Variants in CSMD1 observed in about 807,000 individuals in gnomAD.
The protein encoded by CSMD1 is CUB and Sushi multiple domains 1.
CSMD1 carries 213 observed loss-of-function variants against 417.5 expected under a neutral mutation model. The ratio of observed to expected loss-of-function variants is 0.51; its 90% CI spans 0.46 to 0.57. The LOEUF (loss-of-function observed/expected upper bound fraction) is 0.57, where lower values mean the gene tolerates loss of function less well. CSMD1 is among the 20% of genes least tolerant of loss of function. The pLI, the probability that CSMD1 is intolerant of heterozygous loss-of-function variation, is 0.00. For missense variants in CSMD1, 6,923 were observed against 4,529.7 expected, an observed-to-expected ratio of 1.53 and a Z score of -15.17; for synonymous variants, 2,862 against 1,736.8, an observed-to-expected ratio of 1.65 and a Z score of -16.11.
chr8:4,256,155 C>T (rs1031172761), intron 3 of CSMD1, among the ~76,000 whole-genome samples: 1 of 152,158 alleles, frequency 6.6e-6, no homozygotes, highest in Non-Finnish European at 1.5e-5. Context: ...ATGTAGCCTG[C>T]CAGAGCTTTT....
At chr8:4,237,170 C>G (rs1354294481) in intron 3 of CSMD1, among the ~76,000 whole-genome samples, 2 of 152,198 alleles carry the variant, frequency 1.3e-5, no homozygotes, top group Admixed American at 1.3e-4. Flanking sequence ...ACTCATCAAG[C>G]TCCCTTCGCC....
chr8:4,940,236 A>G (rs1585372123), intron 1 of CSMD1, among the ~76,000 whole-genome samples: 1 of 152,202 alleles, frequency 6.6e-6, no homozygotes, highest in African/African-American at 2.4e-5. Flanking sequence ...TTTGAGAAGG[A>G]CAAGAACAGA....
At chr8:4,245,345 G>T (rs186204774) in intron 3 of CSMD1, among the ~76,000 whole-genome samples, 1 of 152,284 alleles carries the variant, frequency 6.6e-6, no homozygotes, top group East Asian at 1.9e-4. Flanking sequence ...AGAGGGTTGG[G>T]GTGGGAGGAA....
chr8:4,792,919 G>A (rs1431524180), intron 1 of CSMD1, among the ~76,000 whole-genome samples: 6 of 151,796 alleles, frequency 4.0e-5, no homozygotes, highest in South Asian at 2.1e-4. Flanking sequence ...ATAGAGTTCA[G>A]TATGATTAAA....
chr8:4,108,366 G>A (rs929114670), intron 3 of CSMD1, among the ~76,000 whole-genome samples: 11 of 152,074 alleles, frequency 7.2e-5, no homozygotes, highest in Non-Finnish European at 1.6e-4. Flanking sequence ...ATCTCACCCC[G>A]GGTATCTGTA....
chr8:2,976,713 T>G (rs1168549836), intron 55 of CSMD1, among the ~76,000 whole-genome samples: 1 of 152,228 alleles, frequency 6.6e-6, no homozygotes, highest in Admixed American at 6.5e-5. Flanking sequence ...AAGGATTGCT[T>G]TGCTTCTGCC....
chr8:4,488,585 C>G (rs538679126), intron 2 of CSMD1, among the ~76,000 whole-genome samples: 26 of 152,240 alleles, frequency 1.7e-4, no homozygotes, highest in African/African-American at 5.8e-4. Flanking sequence ...TCCAGATTTG[C>G]TGCTTTCAAT....
rs1181914810 is a variant in CSMD1, at chr8:3,409,520, G to A, written c.1647C>T (p.Leu549=). 6.2e-7 allele frequency: 1 copy of A among 1,611,244 alleles called. No homozygotes were observed. The highest frequency in any genetic ancestry group is 2.2e-5 in the East Asian group (1 of 44,774). The change falls in exon 13 of 70, where the codon CTC becomes CTT. Residue 549 remains leucine, a synonymous_variant. Coordinates refer to ENST00000635120, the MANE Select transcript of CSMD1 (RefSeq NM_033225.6). ...TGSSFLHGDT[L]TFECPAAFEL... is the part of the protein sequence containing the mutation. ...CAAAGGCCGCCGGGCATTCAAAGGT[G>A]AGTGTATCTCCATGGAGGAAACTGC...
chr8:4,440,361 G>A (rs567242706), intron 2 of CSMD1, among the ~76,000 whole-genome samples: 2 of 152,230 alleles, frequency 1.3e-5, no homozygotes, highest in East Asian at 1.9e-4. Context: ...ACATATTTAT[G>A]CAATTATACA....
chr8:3,890,444 G>A (rs940893668), intron 5 of CSMD1, among the ~76,000 whole-genome samples: 1 of 151,818 alleles, frequency 6.6e-6, no homozygotes, highest in African/African-American at 2.4e-5. Flanking sequence ...GTGTCTTGGA[G>A]GAGACTGAGG....
At chr8:2,973,337 G>T in intron 56 of CSMD1, 38 bp from the exon 57 acceptor site, 1 of 1,590,100 alleles carries the variant, frequency 6.3e-7, no homozygotes, top group Non-Finnish European at 8.6e-7. Context: ...CCACAATTGT[G>T]TTAGACTTGT....
chr8:4,383,940 G>A (rs933705964), intron 3 of CSMD1, among the ~76,000 whole-genome samples: 13 of 152,114 alleles, frequency 8.5e-5, no homozygotes, highest in Non-Finnish European at 1.2e-4. Context: ...AGAAAAATGC[G>A]TTCTCTTTTA....
chr8:4,488,081 C>G (rs977750719), intron 2 of CSMD1, among the ~76,000 whole-genome samples: 1 of 152,162 alleles, frequency 6.6e-6, no homozygotes, highest in Non-Finnish European at 1.5e-5. Context: ...CATGTGAGGA[C>G]ACAGCTAGAA....
chr8:3,279,903 C>T (rs1456811055), intron 26 of CSMD1, among the ~76,000 whole-genome samples: 1 of 152,186 alleles, frequency 6.6e-6, no homozygotes, highest in East Asian at 1.9e-4. Flanking sequence ...CCACCCTTGA[C>T]ACATATGGAT....
At chr8:3,242,425 T>C (rs548680075) in intron 26 of CSMD1, among the ~76,000 whole-genome samples, 1 of 152,020 alleles carries the variant, frequency 6.6e-6, no homozygotes, top group South Asian at 2.1e-4. Context: ...GAACAGAGAC[T>C]AGGTAGGGAC....
At chr8:4,019,455 TTA>T (rs367721775) in intron 4 of CSMD1, among the ~76,000 whole-genome samples, 93,119 of 150,458 alleles carry the variant, frequency 0.62, 28,723 homozygotes, top group South Asian at 0.69. Context: ...CATTCCCTTA[TTA>T]GGGCCCTTAT....
intron 4 of CSMD1, among the ~76,000 whole-genome samples, chr8:4,005,146 G>A (rs1816008000): frequency 6.6e-6 from 1 of 152,096 alleles, no homozygotes; most frequent in Non-Finnish European, 1.5e-5. Context: ...GGGAAGAGTG[G>A]GAGTGGGGAA....
At chr8:4,723,287 G>T (rs796668759) in intron 1 of CSMD1, among the ~76,000 whole-genome samples, 8 of 152,180 alleles carry the variant, frequency 5.3e-5, no homozygotes, top group African/African-American at 1.7e-4. Context: ...TGGCTAACTG[G>T]GAATCATCCA....
At chr8:3,969,179 G>A (rs750971083) in intron 5 of CSMD1, among the ~76,000 whole-genome samples, 10 of 152,284 alleles carry the variant, frequency 6.6e-5, no homozygotes, top group African/African-American at 1.9e-4. Flanking sequence ...GAACCTGGGA[G>A]GCAGTGGTTG....
Sources: allele counts gnomAD v4.1 joint callset (sites outside exome capture counted in the v4.1 genomes callset), GRCh38; gene constraint gnomAD v4.1.1; transcripts MANE v1.5; gene names NCBI Gene and HGNC (gene_info 2026-07-23, HGNC 2026-07-21).